STARD3NL: variants seen among roughly 807,000 people sequenced by gnomAD.
The protein encoded by STARD3NL is STARD3 N-terminal like, also known as STARD3 N-terminal-like protein.
STARD3NL carries 17 observed loss-of-function variants against 30.9 expected under a neutral mutation model. The ratio of observed to expected loss-of-function variants is 0.55; its 90% CI spans 0.38 to 0.82. The LOEUF (loss-of-function observed/expected upper bound fraction) is 0.82, where lower values mean the gene tolerates loss of function less well. Among genes scored for constraint, STARD3NL ranks in the 40% least tolerant of loss-of-function variants. The probability of loss-of-function intolerance (pLI) is 0.00; values close to 1 mark genes in which losing one functional copy is unlikely to be tolerated. For synonymous variants in STARD3NL, 112 were observed against 100.5 expected, an observed-to-expected ratio of 1.11 and a Z score of -0.69; for missense variants, 234 against 277.6, an observed-to-expected ratio of 0.84 and a Z score of 1.12.
rs1423797064 is a variant in STARD3NL at position 38,206,898 on chromosome 7, G to C, written c.-58-549G>C. On this transcript the variant is annotated intron_variant, in intron 1 of 8. Coordinates refer to ENST00000009041, the MANE Select transcript of STARD3NL (RefSeq NM_032016.4). ...GATCCTCCTATGCAGCTCCTGAGTA[G>C]TTAGGACTATAGGCATGTGCTGCCA... 2.6e-5 allele frequency among the ~76,000 whole-genome samples: 4 copies of C among 152,196 alleles called. No individual in the cohort carries two copies. The East Asian group carries it at 5.8e-4, about 22-fold the overall frequency.
intron 1 of STARD3NL, among the ~76,000 whole-genome samples, chr7:38,183,866 T>C (rs1784345579): frequency 6.6e-6 from 1 of 152,322 alleles, no homozygotes; most frequent in South Asian, 2.1e-4. Flanking sequence ...GCATATAATA[T>C]ACCAAGGGAG....
rs1042286181 is a variant in STARD3NL, at chr7:38,229,977, C to T, written c.*72C>T. ...GGCAAAAAGAGGCAGGCAGTGGAGT[C>T]TCCCTGTCGACAGTAAAGTTGAAAT... On this transcript the variant is annotated 3_prime_UTR_variant, in exon 9 of 9. Transcript: ENST00000009041. The T allele has an allele frequency of 1.3e-5, 2 of 152,610 alleles. No individual in the cohort carries two copies. The highest frequency in any genetic ancestry group is 2.4e-5 in the African/African-American group (1 of 41,450). The allele number at this position is 152,610 out of a possible 1,614,324, so 9.5% of individuals were successfully genotyped here. A position where few individuals can be genotyped will look rare whatever the true frequency, so the allele number is the denominator to read the frequency against.
Position 38,230,466 on chromosome 7 carries a change from A to G in STARD3NL, c.*561A>G, listed in dbSNP as rs531431649. On this transcript the variant is annotated 3_prime_UTR_variant, in exon 9 of 9. Coordinates refer to ENST00000009041, the MANE Select transcript of STARD3NL (RefSeq NM_032016.4). ...TTATGTGTATGGCCTGAAGTGTTGGACTTGCAAAAGGGGAAGAAAGGAATT... is the reference window on the plus strand; with the variant it reads ...TTATGTGTATGGCCTGAAGTGTTGGGCTTGCAAAAGGGGAAGAAAGGAATT... 1.3e-5 allele frequency: 2 copies of G among 152,574 alleles called. No homozygotes were observed. Among genetic ancestry groups the G allele is most frequent in the East Asian group, 3.9e-4 (2 of 5,182 alleles). 9.5% of individuals were successfully genotyped at this position (152,574 alleles called of 1,614,324 possible).
intron 4 of STARD3NL, chr7:38,216,706 G>A (rs1786141169): frequency 3.0e-6 from 1 of 335,286 alleles, no homozygotes. Flanking sequence ...CACTTTACCA[G>A]TCTCTTCATG....
chr7:38,191,533 G>C (rs1454777888), intron 1 of STARD3NL, among the ~76,000 whole-genome samples: 1 of 151,854 alleles, frequency 6.6e-6, no homozygotes, highest in Non-Finnish European at 1.5e-5. Context: ...TTTACGTTTA[G>C]GTCTGTAAAT....
In STARD3NL at chr7:38,217,235, C is replaced by T. The variant is rs142272813; in HGVS notation, c.483C>T (p.Phe161=). The change falls in exon 6 of 9, where the codon TTC becomes TTT. Residue 161 remains phenylalanine, a synonymous_variant. Transcript: ENST00000009041. ...AFGYVLPIIS[F]ILAWIETWFL... The stretch of plus-strand genomic sequence containing the variant: ...GCTATGTGCTGCCCATCATTTCATT[C>T]ATCCTTGCCTGGATTGAGACGTGGT... 244 of 1,614,058 alleles carry T rather than the reference C, an allele frequency of 1.5e-4. No individual in the cohort carries two copies. The Middle Eastern group carries it at 2.0e-3, about 13-fold the overall frequency.
intron 1 of STARD3NL, among the ~76,000 whole-genome samples, chr7:38,199,009 A>G (rs1349733339): frequency 6.6e-6 from 1 of 152,262 alleles, no homozygotes; most frequent in Non-Finnish European, 1.5e-5. Flanking sequence ...GCTGACTGAT[A>G]ATGTAGTATA....
intron 2 of STARD3NL, among the ~76,000 whole-genome samples, chr7:38,212,776 C>T (rs766883986): frequency 1.5e-4 from 23 of 152,010 alleles, no homozygotes; most frequent in African/African-American, 5.3e-4. Flanking sequence ...GTTGATAGGC[C>T]GATTTTATCA....
At chr7:38,223,022 C>T (rs1386357002) in intron 7 of STARD3NL, among the ~76,000 whole-genome samples, 1 of 152,126 alleles carries the variant, frequency 6.6e-6, no homozygotes, top group African/African-American at 2.4e-5. Context: ...GCACTGACTT[C>T]CCTGGTACAC....
At chr7:38,198,846 T>C (rs1785045609) in intron 1 of STARD3NL, among the ~76,000 whole-genome samples, 1 of 152,220 alleles carries the variant, frequency 6.6e-6, no homozygotes, top group African/African-American at 2.4e-5. Context: ...ATGGAGCTGA[T>C]GTTTTGACCC....
At chr7:38,218,731 A>G (rs1209668459) in intron 6 of STARD3NL, among the ~76,000 whole-genome samples, 2 of 152,218 alleles carry the variant, frequency 1.3e-5, no homozygotes, top group East Asian at 1.9e-4. Flanking sequence ...CTTTCAGTCA[A>G]AAGAACTTAA....
At chr7:38,182,773 T>TC (rs1784302504) in intron 1 of STARD3NL, among the ~76,000 whole-genome samples, 1 of 152,212 alleles carries the variant, frequency 6.6e-6, no homozygotes, top group South Asian at 2.1e-4. Flanking sequence ...GGGTATGGAA[T>TC]CAAGTTCAGT....
At chr7:38,207,225 T>C (rs1004600023) in intron 1 of STARD3NL, among the ~76,000 whole-genome samples, 4 of 152,216 alleles carry the variant, frequency 2.6e-5, no homozygotes, top group East Asian at 1.9e-4. Context: ...GTTTGCTTCT[T>C]CTCTCTTGCC....
intron 6 of STARD3NL, 75 bp from the exon 7 acceptor site, chr7:38,219,490 T>A: frequency 2.9e-6 from 3 of 1,016,952 alleles, no homozygotes; most frequent in Non-Finnish European, 4.5e-6. Context: ...AATACCATTT[T>A]ATTTTACTTA....
At chr7:38,227,592 A>G (rs903914462) in intron 7 of STARD3NL, among the ~76,000 whole-genome samples, 2 of 152,174 alleles carry the variant, frequency 1.3e-5, no homozygotes, top group Non-Finnish European at 2.9e-5. Context: ...GGCGTAGTTG[A>G]GAGAGGCTGC....
chr7:38,223,884 T>C (rs1184597383), intron 7 of STARD3NL, among the ~76,000 whole-genome samples: 1 of 152,206 alleles, frequency 6.6e-6, no homozygotes, highest in East Asian at 1.9e-4. Context: ...AATTTATAAA[T>C]TTTTAATCAA....
At chr7:38,215,608 T>C (rs2116338824) in intron 4 of STARD3NL, 1 of 154,214 alleles carries the variant, frequency 6.5e-6, no homozygotes, top group Middle Eastern at 3.3e-3. Context: ...ACTTTTTTAC[T>C]CCTCTGTTTC....
At position 38,229,989 on chromosome 7, in the gene STARD3NL, A is replaced by G. The variant is rs1686908873; in HGVS notation, c.*84A>G. The G allele has an allele frequency of 6.5e-6, 1 of 152,682 alleles. No homozygotes were observed. Among genetic ancestry groups the G allele is most frequent in the Admixed American group, 6.5e-5 (1 of 15,288 alleles). The allele number at this position is 152,682 out of a possible 1,614,324, so 9.5% of individuals were successfully genotyped here. ...CAGGCAGTGGAGTCTCCCTGTCGAC[A>G]GTAAAGTTGAAATGGTGACGTCCAC... On this transcript the variant is annotated 3_prime_UTR_variant, in exon 9 of 9. Coordinates refer to ENST00000009041, the MANE Select transcript of STARD3NL (RefSeq NM_032016.4).
chr7:38,218,822 A>C (rs1786275817), intron 6 of STARD3NL, among the ~76,000 whole-genome samples: 1 of 151,992 alleles, frequency 6.6e-6, no homozygotes, highest in Admixed American at 6.6e-5. Flanking sequence ...TTTTTAAGAC[A>C]CTTTTTTTCT....
Sources: gnomAD v4.1 joint callset for allele counts (sites outside exome capture counted in the v4.1 genomes callset) on GRCh38, gnomAD v4.1.1 for gene constraint, MANE v1.5 for transcripts, NCBI Gene and HGNC (gene_info 2026-07-23, HGNC 2026-07-21) for gene names.